The following FHOD3 variants were observed in gnomAD, a reference collection of about 807,000 sequenced individuals.
FHOD3 encodes FH1/FH2 domain-containing protein 3.
In FHOD3, 90 loss-of-function variants were observed where a neutral mutation model predicts 173.0. The ratio of observed to expected loss-of-function variants is 0.52; its 90% confidence interval spans 0.44 to 0.62. The LOEUF (loss-of-function observed/expected upper bound fraction) is 0.62. Ranked by LOEUF, FHOD3 falls within the 20% of genes least tolerant of loss-of-function variation. The probability of loss-of-function intolerance (pLI) is 0.00; values close to 1 mark genes in which losing one functional copy is unlikely to be tolerated. For synonymous variants in FHOD3, 828 were observed against 823.0 expected (o/e 1.01, Z -0.10); for missense variants, 1,945 against 2,034.7 (o/e 0.96, Z 0.85).
At chr18:36,522,697 G>A (rs910973878) in intron 5 of FHOD3, among the ~76,000 whole-genome samples, 7 of 152,306 alleles carry the variant, frequency 4.6e-5, no homozygotes, top group African/African-American at 1.4e-4. Context: ...AAATAGTTGA[G>A]GAAGACAATT....
At chr18:36,402,472 T>C (rs1437217951) in intron 3 of FHOD3, among the ~76,000 whole-genome samples, 1 of 151,986 alleles carries the variant, frequency 6.6e-6, no homozygotes, top group East Asian at 1.9e-4. Flanking sequence ...AATTATAATG[T>C]ATATTTTTAG....
chr18:36,420,239 G>A (rs949446641), intron 3 of FHOD3, among the ~76,000 whole-genome samples: 7 of 152,332 alleles, frequency 4.6e-5, no homozygotes, highest in Admixed American at 2.0e-4. Context: ...GTGTACACTT[G>A]TTAGCAGATG....
At chr18:36,655,572 C>G (rs1017227124) in intron 13 of FHOD3, among the ~76,000 whole-genome samples, 2 of 152,116 alleles carry the variant, frequency 1.3e-5, no homozygotes, top group African/African-American at 4.8e-5. Context: ...ATCACTTCTC[C>G]AGCAGGAACT....
chr18:36,429,623 G>A (rs1357777960), intron 3 of FHOD3, among the ~76,000 whole-genome samples: 1 of 152,152 alleles, frequency 6.6e-6, no homozygotes, highest in Non-Finnish European at 1.5e-5. Flanking sequence ...TAGGATTGGA[G>A]AACTAATCAG....
At position 36,649,315 on chromosome 18, in the gene FHOD3, G is replaced by GGGA. The variant is rs771022218; in HGVS notation, c.1209_1211dup (p.Glu406dup). On this transcript the variant is annotated inframe_insertion and splice_region_variant. Coordinates refer to ENST00000590592, the MANE Select transcript of FHOD3 (RefSeq NM_001281740.3). ...TTTCTCTTTTCCTGGCTTTGTCTCA[G>GGGA]GGAGGAGGAGGAGGAAGAGGAGCAG... The GGGA allele has an allele frequency of 2.2e-5, 34 of 1,534,902 alleles. No individual in the cohort carries two copies. Among genetic ancestry groups the GGGA allele is most frequent in the Non-Finnish European group, 2.8e-5 (32 of 1,146,202 alleles).
chr18:36,643,861 CT>C (rs1157136584), intron 10 of FHOD3, among the ~76,000 whole-genome samples: 1 of 152,134 alleles, frequency 6.6e-6, no homozygotes, highest in African/African-American at 2.4e-5. Flanking sequence ...TATTGCTCAA[CT>C]TTTTCTCATT....
rs568231264 is a variant in FHOD3, at chr18:36,467,870, C to T, written c.338-34062C>T. On this transcript the variant is annotated intron_variant, in intron 3 of 28. Transcript: ENST00000590592. The stretch of plus-strand genomic sequence containing the variant: ...TTGGGCAGAGGTGGCTCCAGGCGTT[C>T]TGCGGGTAAGTGCTGCCTGTGGCAC... Among the ~76,000 whole-genome samples the T allele has an allele frequency of 5.3e-4, 80 of 152,350 alleles. No homozygotes were observed. Among genetic ancestry groups the T allele is most frequent in the African/African-American group, 1.9e-3 (77 of 41,588 alleles).
At chr18:36,443,536 G>A (rs1024312672) in intron 3 of FHOD3, among the ~76,000 whole-genome samples, 1 of 151,930 alleles carries the variant, frequency 6.6e-6, no homozygotes, top group East Asian at 1.9e-4. Context: ...ATATTTTCTG[G>A]CATCTCAAGA....
intron 3 of FHOD3, among the ~76,000 whole-genome samples, chr18:36,398,276 G>C (rs1397937512): frequency 1.3e-5 from 2 of 152,142 alleles, no homozygotes; most frequent in Non-Finnish European, 2.9e-5. Context: ...ACCATATCTT[G>C]GGATGCTGAT....
At chr18:36,451,291 C>T (rs1874632340) in intron 3 of FHOD3, among the ~76,000 whole-genome samples, 1 of 152,166 alleles carries the variant, frequency 6.6e-6, no homozygotes, top group African/African-American at 2.4e-5. Flanking sequence ...CTACTTGGTA[C>T]ATAATGTTAA....
chr18:36,303,662 G>T (rs955447333), intron 1 of FHOD3, among the ~76,000 whole-genome samples: 2 of 151,672 alleles, frequency 1.3e-5, no homozygotes, highest in African/African-American at 4.9e-5. Flanking sequence ...CTCTGACGAT[G>T]ATACTTTTGA....
intron 3 of FHOD3, among the ~76,000 whole-genome samples, chr18:36,423,949 A>T (rs1346359544): frequency 6.6e-6 from 1 of 152,192 alleles, no homozygotes; most frequent in Non-Finnish European, 1.5e-5. Flanking sequence ...ATTAGGGGAC[A>T]ATTTGAGCAT....
At chr18:36,716,316 C>T (rs922660674) in intron 18 of FHOD3, among the ~76,000 whole-genome samples, 1 of 152,104 alleles carries the variant, frequency 6.6e-6, no homozygotes, top group South Asian at 2.1e-4. Flanking sequence ...CTGGATATGA[C>T]ATGAAGGTGT....
chr18:36,560,695 G>A (rs1008842992), intron 5 of FHOD3, among the ~76,000 whole-genome samples: 4 of 152,196 alleles, frequency 2.6e-5, no homozygotes, highest in African/African-American at 9.7e-5. Context: ...TGGGCCAAAA[G>A]GAGGGTAACA....
intron 3 of FHOD3, among the ~76,000 whole-genome samples, chr18:36,457,093 C>T (rs1181267559): frequency 1.3e-5 from 2 of 151,908 alleles, no homozygotes; most frequent in Non-Finnish European, 2.9e-5. Context: ...AGGAAAAGCC[C>T]ATAATGTTTT....
intron 17 of FHOD3, among the ~76,000 whole-genome samples, chr18:36,704,902 C>T (rs756774529): frequency 6.6e-6 from 1 of 152,192 alleles, no homozygotes; most frequent in Non-Finnish European, 1.5e-5. Context: ...AGTCTCAGTC[C>T]CTTACCCATG....
chr18:36,638,158 TAGAAAAG>T (rs1160389313), intron 10 of FHOD3, among the ~76,000 whole-genome samples: 45 of 152,210 alleles, frequency 3.0e-4, no homozygotes, highest in African/African-American at 1.0e-3. Context: ...AAAAACTCTT[TAGAAAAG>T]AGAAAAGTGT....
At chr18:36,632,344 A>G (rs1479379855) in intron 10 of FHOD3, among the ~76,000 whole-genome samples, 1 of 152,132 alleles carries the variant, frequency 6.6e-6, no homozygotes, top group Non-Finnish European at 1.5e-5. Flanking sequence ...AGCTATTAAC[A>G]TTTCCTTTTC....
At chr18:36,302,252 T>G (rs1363875229) in intron 1 of FHOD3, among the ~76,000 whole-genome samples, 1 of 152,190 alleles carries the variant, frequency 6.6e-6, no homozygotes, top group Non-Finnish European at 1.5e-5. Flanking sequence ...ACTACCCTTG[T>G]CTTTGTGGTT....
Sources: gnomAD v4.1 joint callset for allele counts (sites outside exome capture counted in the v4.1 genomes callset) on GRCh38, gnomAD v4.1.1 for gene constraint, MANE v1.5 for transcripts, NCBI Gene and HGNC (gene_info 2026-07-23, HGNC 2026-07-21) for gene names.